Variants in PRKAR2A observed in about 807,000 individuals in gnomAD.
PRKAR2A encodes protein kinase cAMP-dependent type II regulatory subunit alpha.
In PRKAR2A, 29 loss-of-function variants were observed where a neutral mutation model predicts 51.9. That is an observed-to-expected ratio of 0.56 (90% confidence interval 0.42 to 0.76). PRKAR2A has a LOEUF of 0.76. Ranked by LOEUF, PRKAR2A falls within the 30% of genes least tolerant of loss-of-function variation. The probability of loss-of-function intolerance (pLI) is 0.00; values close to 1 mark genes in which losing one functional copy is unlikely to be tolerated. For synonymous variants in PRKAR2A, 178 were observed against 186.2 expected (o/e 0.96, Z 0.36); for missense variants, 445 against 512.1 (o/e 0.87, Z 1.26).
chr3:48,758,019 G>C (rs1483361060), intron 8 of PRKAR2A, among the ~76,000 whole-genome samples: 1 of 152,002 alleles, frequency 6.6e-6, no homozygotes, highest in East Asian at 1.9e-4. Flanking sequence ...TCACGCCATT[G>C]CACTCCAGCC....
intron 1 of PRKAR2A, among the ~76,000 whole-genome samples, chr3:48,828,694 C>G (rs566780022): frequency 8.8e-6 from 1 of 114,066 alleles, no homozygotes; most frequent in East Asian, 2.5e-4. Flanking sequence ...GGCAACAGAG[C>G]GAGCCCCTGT....
At chr3:48,790,694 T>C (rs2082368791) in intron 3 of PRKAR2A, 67 bp from the exon 4 acceptor site, 1 of 1,017,044 alleles carries the variant, frequency 9.8e-7, no homozygotes, top group Non-Finnish European at 1.4e-6. Flanking sequence ...TAAAGATTGG[T>C]ATATTTGTTT....
chr3:48,788,002 G>A (rs562902757), intron 4 of PRKAR2A, among the ~76,000 whole-genome samples: 18 of 152,070 alleles, frequency 1.2e-4, no homozygotes, highest in African/African-American at 3.4e-4. Flanking sequence ...CCATTCATGC[G>A]GTTTTAAATT....
At chr3:48,789,006 C>T (rs1340786041) in intron 4 of PRKAR2A, among the ~76,000 whole-genome samples, 1 of 151,906 alleles carries the variant, frequency 6.6e-6, no homozygotes, top group Non-Finnish European at 1.5e-5. Context: ...GAAGCACTTA[C>T]TACACACTGT....
chr3:48,783,507 G>A (rs1234974649), intron 4 of PRKAR2A, among the ~76,000 whole-genome samples: 1 of 152,138 alleles, frequency 6.6e-6, no homozygotes, highest in Non-Finnish European at 1.5e-5. Flanking sequence ...GGCCTTAGAG[G>A]TTATCTTTTG....
In PRKAR2A at chr3:48,762,231, C is replaced by CAATATA. The variant is rs536083091; in HGVS notation, c.873+2767_873+2772dup. 3.5e-3 allele frequency among the ~76,000 whole-genome samples: 535 copies of CAATATA among 152,028 alleles called. 4 individuals carry two copies. Among genetic ancestry groups the CAATATA allele is most frequent in the African/African-American group, 0.012 (506 of 41,464 alleles). ...CTCAGGAGTTCGAGACCAGGCTGGG[C>CAATATA]AATATAGCAAGACCCTGACTGTAAT... On this transcript the variant is annotated intron_variant, in intron 8 of 10. Coordinates refer to ENST00000265563, the MANE Select transcript of PRKAR2A (RefSeq NM_004157.4).
At chr3:48,779,602 G>A (rs2082160688) in intron 5 of PRKAR2A, among the ~76,000 whole-genome samples, 1 of 151,304 alleles carries the variant, frequency 6.6e-6, no homozygotes, top group Non-Finnish European at 1.5e-5. Flanking sequence ...CCAACACGGT[G>A]AAACCCCATC....
intron 1 of PRKAR2A, among the ~76,000 whole-genome samples, chr3:48,827,202 T>C (rs1051094669): frequency 3.9e-5 from 6 of 152,126 alleles, no homozygotes; most frequent in African/African-American, 1.4e-4. Flanking sequence ...TAGTTGAGCA[T>C]TGGATGCTTG....
rs2082693831 is a variant in PRKAR2A, at chr3:48,807,658, G to A, written c.289C>T (p.Arg97Ter). Residue 97 changes from arginine (R) to a stop codon, truncating the protein, a stop_gained, in exon 2 of 11, where the codon CGA becomes TGA. Transcript: ENST00000265563. LOFTEE classifies it high-confidence loss of function. ...EVPVPSRFNR[R>*]VSVCAETYNP... The stretch of plus-strand genomic sequence containing the variant: ...GAAATAGAACACATACCTGATACTC[G>A]TCTATTAAATCTGCTAGGAACTGGA... 3.1e-6 allele frequency: 5 copies of A among 1,598,984 alleles called. No individual in the cohort carries two copies. The highest frequency in any genetic ancestry group is 1.7e-5 in the Admixed American group (1 of 59,676).
intron 7 of PRKAR2A, 43 bp from the exon 8 acceptor site, chr3:48,765,121 GAA>G (rs777379877): frequency 6.3e-7 from 1 of 1,587,574 alleles, no homozygotes. Context: ...GACCTTAATT[GAA>G]AGTCACAATA....
chr3:48,787,984 C>T (rs1485594317), intron 4 of PRKAR2A, among the ~76,000 whole-genome samples: 1 of 152,160 alleles, frequency 6.6e-6, no homozygotes, highest in African/African-American at 2.4e-5. Flanking sequence ...ATAGGCCTAG[C>T]ACCTTAGCCA....
chr3:48,753,472 C>T (rs1420209130), intron 9 of PRKAR2A, among the ~76,000 whole-genome samples: 1 of 152,106 alleles, frequency 6.6e-6, no homozygotes, highest in East Asian at 1.9e-4. Context: ...CTAGCTTACA[C>T]GGTTTGACCC....
chr3:48,812,774 C>A (rs1367627250), intron 1 of PRKAR2A, among the ~76,000 whole-genome samples: 1 of 152,090 alleles, frequency 6.6e-6, no homozygotes, highest in African/African-American at 2.4e-5. Flanking sequence ...TGAGCCACTG[C>A]GCCTGGCCAG....
chr3:48,770,803 C>T (rs2082018751), intron 6 of PRKAR2A, among the ~76,000 whole-genome samples: 1 of 152,192 alleles, frequency 6.6e-6, no homozygotes, highest in Admixed American at 6.6e-5. Flanking sequence ...TTGTACCAGG[C>T]ACTAAGGGAG....
intron 1 of PRKAR2A, among the ~76,000 whole-genome samples, chr3:48,835,389 C>A (rs1050362016): frequency 1.3e-5 from 2 of 151,998 alleles, no homozygotes; most frequent in African/African-American, 4.8e-5. Context: ...CGCTTCTAAT[C>A]CCAGCACTTT....
chr3:48,828,496 T>C (rs2083106684), intron 1 of PRKAR2A, among the ~76,000 whole-genome samples: 1 of 151,916 alleles, frequency 6.6e-6, no homozygotes, highest in Admixed American at 6.6e-5. Flanking sequence ...GGCAGGAGAA[T>C]TGCTTGAGCC....
At chr3:48,810,699 A>C (rs998161904) in intron 1 of PRKAR2A, among the ~76,000 whole-genome samples, 2 of 152,210 alleles carry the variant, frequency 1.3e-5, no homozygotes, top group African/African-American at 4.8e-5. Context: ...CAGTAAATAC[A>C]TATATATGTA....
chr3:48,802,374 G>A (rs918614404), intron 2 of PRKAR2A, among the ~76,000 whole-genome samples: 1 of 152,032 alleles, frequency 6.6e-6, no homozygotes, highest in Non-Finnish European at 1.5e-5. Context: ...TGAAGAATGT[G>A]AGTGAGCAAA....
In PRKAR2A at chr3:48,750,962, G is replaced by T. The variant is rs2081638237; in HGVS notation, c.*623C>A. The T allele has an allele frequency of 9.4e-6, 2 of 212,186 alleles. No individual in the cohort carries two copies. The highest frequency in any genetic ancestry group is 7.5e-5 in the South Asian group (1 of 13,276). The allele number at this position is 212,186 out of a possible 1,614,324, so 13.1% of individuals were successfully genotyped here. ...GCTGACCTGCTGGGTCCTGAGCAGGGTCTTTCCCTAAGCATCACTGTGGGT... is the reference window on the plus strand; with the variant it reads ...GCTGACCTGCTGGGTCCTGAGCAGGTTCTTTCCCTAAGCATCACTGTGGGT... On this transcript the variant is annotated 3_prime_UTR_variant, in exon 11 of 11. Transcript: ENST00000265563.
Sources: allele counts gnomAD v4.1 joint callset (sites outside exome capture counted in the v4.1 genomes callset), GRCh38; gene constraint gnomAD v4.1.1; transcripts MANE v1.5; gene names NCBI Gene and HGNC (gene_info 2026-07-23, HGNC 2026-07-21).